SLC34A3: variants seen among roughly 807,000 people sequenced by gnomAD.
The protein encoded by SLC34A3 is solute carrier family 34 member 3, also known as sodium-dependent phosphate transport protein 2C.
SLC34A3 carries 60 observed loss-of-function variants against 43.9 expected under a neutral mutation model. The ratio of observed to expected loss-of-function variants is 1.37; its 90% CI spans 1.11 to 1.70. The LOEUF is 1.70. Among genes scored for constraint, SLC34A3 ranks in the 40% most tolerant of loss-of-function variants. The pLI, the probability that SLC34A3 is intolerant of heterozygous loss-of-function variation, is 0.00. For missense variants in SLC34A3, 969 were observed against 823.8 expected (o/e 1.18, Z -2.16); for synonymous variants, 451 against 386.2 (o/e 1.17, Z -1.97).
rs146757110 is a variant in SLC34A3, at chr9:137,236,226, G to A, written c.1610G>A (p.Arg537His). ...ATCCTGGTTACTGTCCTGCAGCGGC[G>A]CCGGCCGGCCTGGCTGCCTGTCCGC... ...LVILVTVLQR[R>H]RPAWLPVRLR... The change falls in exon 13 of 13, where the codon CGC (arginine) becomes CAC (histidine). Residue 537 changes from arginine to histidine, a missense_variant. Transcript: ENST00000673835. 630 of 1,562,982 alleles carry A rather than the reference G, an allele frequency of 4.0e-4. 2 individuals are homozygous for A. The African/African-American group carries it at 7.1e-3, about 18-fold the overall frequency.
chr9:137,231,268 C>T (rs1440854472), intron 1 of SLC34A3, among the ~76,000 whole-genome samples: 2 of 152,162 alleles, frequency 1.3e-5, no homozygotes, highest in African/African-American at 2.4e-5. Context: ...CAAGCCGAGA[C>T]GTCACTGTTT....
At chr9:137,232,501 G>A (rs756299624) in intron 3 of SLC34A3, 74 bp from the exon 4 acceptor site, 18 of 1,591,316 alleles carry the variant, frequency 1.1e-5, no homozygotes, top group Non-Finnish European at 1.4e-5. Context: ...AGAGGGGGCA[G>A]AGAATGAGGG....
chr9:137,233,618 C>T lies in SLC34A3; in HGVS notation c.757-15C>T, dbSNP rs769192619. On this transcript the variant is annotated splice_polypyrimidine_tract_variant and intron_variant, in intron 7 of 12. Transcript: ENST00000673835. The stretch of plus-strand genomic sequence containing the variant: ...AGAGGGTGCAGCACACCGTCACGAC[C>T]CCTCTGGCCCCCAGTTGGACTCCGA... 92 of 1,610,694 alleles carry T rather than the reference C, an allele frequency of 5.7e-5. No homozygotes were observed. Among genetic ancestry groups the T allele is most frequent in the East Asian group, 6.7e-5 (3 of 44,854 alleles).
chr9:137,233,290 C>A lies in SLC34A3; in HGVS notation c.642C>A (p.Ala214=). The change falls in exon 7 of 13, where the codon GCC becomes GCA. Residue 214 remains alanine, a synonymous_variant. Transcript: ENST00000673835. ...LVLLPLESAT[A]LLERLSELAL... is the part of the protein sequence containing the mutation. Reference sequence around the variant, plus strand: ...TGCTGCCACTGGAGAGCGCCACGGCCCTGCTGGAGAGGCTAAGTGAGCTAG... The same window carrying A: ...TGCTGCCACTGGAGAGCGCCACGGCACTGCTGGAGAGGCTAAGTGAGCTAG... 6.3e-7 allele frequency: 1 copy of A among 1,591,698 alleles called. No individual in the cohort carries two copies. Among genetic ancestry groups the A allele is most frequent in the Non-Finnish European group, 8.6e-7 (1 of 1,169,558 alleles).
rs1473689787 is a variant in SLC34A3, at chr9:137,234,124, CG to C, written c.944del (p.Gly315AlafsTer28). 2.0e-5 allele frequency: 32 copies of C among 1,561,324 alleles called. No individual in the cohort carries two copies. Among genetic ancestry groups the C allele is most frequent in the Non-Finnish European group, 2.8e-5 (32 of 1,158,518 alleles). ...CTGCCCCCAGGCCGCCACCTGTTTG[CG>C]GGCACGGAGCTCACGGACCTGGCCG... ...ADRLPCRHLF[A>X]GTELTDLAVG... is the part of the protein sequence containing the mutation. On this transcript the variant is annotated frameshift_variant, in exon 10 of 13. Coordinates refer to ENST00000673835, the MANE Select transcript of SLC34A3 (RefSeq NM_001177316.2). LOFTEE classifies it high-confidence loss of function. The surrounding 1 kb of genome is among the most constrained non-coding windows in gnomAD (Gnocchi z 6.9).
chr9:137,233,477 C>A lies in SLC34A3; in HGVS notation c.756+73C>A, dbSNP rs540813894. ...GGGAGGAGGGGAGGCCCGCCCTGCC[C>A]TGATGGAGGGTCAGCGGAGGGTCTG... On this transcript the variant is annotated intron_variant, in intron 7 of 12. Coordinates refer to ENST00000673835, the MANE Select transcript of SLC34A3 (RefSeq NM_001177316.2). The A allele has an allele frequency of 1.8e-4, 280 of 1,587,400 alleles. 1 individual carries two copies. The highest frequency in any genetic ancestry group is 8.2e-4 in the African/African-American group (61 of 74,246).
rs1398513241 is a variant in SLC34A3 at position 137,234,621 on chromosome 9, A to C, written c.1225A>C (p.Ser409Arg). The C allele has an allele frequency of 6.2e-7, 1 of 1,612,328 alleles. No homozygotes were observed. The highest frequency in any genetic ancestry group is 8.5e-7 in the Non-Finnish European group (1 of 1,179,844). The change falls in exon 12 of 13, where the codon AGT (serine) becomes CGT (arginine). Residue 409 changes from serine to arginine, a missense_variant. Coordinates refer to ENST00000673835, the MANE Select transcript of SLC34A3 (RefSeq NM_001177316.2). This position sits in a 1 kb window ranked among gnomAD's most constrained non-coding sequence, Gnocchi z 6.9. ...AGTTCCCCCAGGGGTCGGGGTGATC[A>C]GTCTGGACCGGGCGTACCCCCTCTT... ...VVPLMGVGVI[S>R]LDRAYPLLLG... is the part of the protein sequence containing the mutation.
rs1161944832 is a variant in SLC34A3, at chr9:137,232,868, C to T, written c.389C>T (p.Ala130Val). The change falls in exon 5 of 13, where the codon GCC becomes GTC. Residue 130 changes from alanine (A) to valine (V), a missense_variant. Physicochemically the swap from Ala to Val is moderately conservative, Grantham distance 64. Coordinates refer to ENST00000673835, the MANE Select transcript of SLC34A3 (RefSeq NM_001177316.2). ...CTGGTCATTGGCGTGCTGGTCACAG[C>T]CCTGGTGCAGAGTTCCAGCACGTCC... ...AGLVIGVLVT[A>V]LVQSSSTSSS... 1.9e-6 allele frequency: 3 copies of T among 1,612,182 alleles called. No homozygotes were observed. Among genetic ancestry groups the T allele is most frequent in the Non-Finnish European group, 8.5e-7 (1 of 1,179,598 alleles).
intron 12 of SLC34A3, 44 bp from the exon 13 acceptor site, chr9:137,235,908 C>G: frequency 1.9e-6 from 3 of 1,594,164 alleles, no homozygotes; most frequent in Non-Finnish European, 2.6e-6. Flanking sequence ...CCTGGTGACC[C>G]CACCTCGTTG....
chr9:137,232,565 G>C lies in SLC34A3; in HGVS notation c.176-10G>C. 4 of 1,611,696 alleles carry C rather than the reference G, an allele frequency of 2.5e-6. No individual in the cohort carries two copies. The highest frequency in any genetic ancestry group is 1.3e-5 in the African/African-American group (1 of 75,054). ...GGGCCAGCCAGGGACAGCCTGCCCT[G>C]TGTCCTCAGAGCTCCGCGTGGCCGG... On this transcript the variant is annotated splice_polypyrimidine_tract_variant and intron_variant, in intron 3 of 12. Transcript: ENST00000673835.
At chr9:137,233,779 T>TTGGGGCGCC in intron 8 of SLC34A3, 57 bp downstream of exon 8, 2 of 1,445,802 alleles carry the variant, frequency 1.4e-6, no homozygotes, top group Non-Finnish European at 1.9e-6. Flanking sequence ...TGCTGAGTCA[T>TTGGGGCGCC]CCCGCCCCAC....
rs991171092 is a variant in SLC34A3, at chr9:137,234,860, G to A, written c.1335+129G>A. 3.2e-5 allele frequency: 44 copies of A among 1,370,900 alleles called. No homozygotes were observed. Among genetic ancestry groups the A allele is most frequent in the African/African-American group, 3.1e-4 (22 of 70,066 alleles). The allele number at this position is 1,370,900 out of a possible 1,614,324, so 84.9% of individuals were successfully genotyped here. ...GCCTTCCTGGACCCCTTCCCTGGCC[G>A]CCAGCCTCAGCCCTGCTGCTCTGCC... On this transcript the variant is annotated intron_variant, in intron 12 of 12. Transcript: ENST00000673835. The surrounding 1 kb of genome is among the most constrained non-coding windows in gnomAD (Gnocchi z 6.9).
At position 137,236,106 on chromosome 9, in the gene SLC34A3, T is replaced by C; in HGVS notation, c.1490T>C (p.Leu497Pro). The C allele has an allele frequency of 6.2e-7, 1 of 1,612,022 alleles. No homozygotes were observed. Among genetic ancestry groups the C allele is most frequent in the Non-Finnish European group, 8.5e-7 (1 of 1,179,768 alleles). The change falls in exon 13 of 13, where the codon CTG (leucine) becomes CCG (proline). Residue 497 changes from leucine (L) to proline (P), a missense_variant. By Grantham distance (98) the Leu-to-Pro change is moderately conservative (BLOSUM62 -3). Coordinates refer to ENST00000673835, the MANE Select transcript of SLC34A3 (RefSeq NM_001177316.2). ...GGGGTCTACCTGCTGCTCGGATTCC[T>C]GCTGCTGCCCCTGGCGGCCTTCGGG... ...VAGVYLLLGF[L>P]LLPLAAFGLS... is the part of the protein sequence containing the mutation.
In SLC34A3 at chr9:137,234,704, C is replaced by T. The variant is rs1208270085; in HGVS notation, c.1308C>T (p.Pro436=). The T allele has an allele frequency of 5.6e-6, 9 of 1,611,446 alleles. No individual in the cohort carries two copies. Among genetic ancestry groups the T allele is most frequent in the South Asian group, 2.2e-5 (2 of 91,080 alleles). The change falls in exon 12 of 13, where the codon CCC becomes CCT. Residue 436 remains proline, a synonymous_variant. Coordinates refer to ENST00000673835, the MANE Select transcript of SLC34A3 (RefSeq NM_001177316.2). The surrounding 1 kb of genome is among the most constrained non-coding windows in gnomAD (Gnocchi z 6.9). The part of the protein sequence containing the change: ...TTALLAALAS[P]ADRMLSALQV... ...CCCTGCTGGCTGCCCTGGCCAGCCC[C>T]GCAGACAGGATGCTCAGCGCCCTGC...
At chr9:137,230,026 C>T (rs192886067), upstream of SLC34A3, among the ~76,000 whole-genome samples, 1 of 152,320 alleles carries the variant, frequency 6.6e-6, no homozygotes, top group East Asian at 1.9e-4. Context: ...TCAGAAGCTT[C>T]TACCTTCTCC....
intron 12 of SLC34A3, among the ~76,000 whole-genome samples, chr9:137,235,024 C>G (rs1836503586): frequency 6.6e-6 from 1 of 152,180 alleles, no homozygotes; most frequent in African/African-American, 2.4e-5. Flanking sequence ...GGGCTCTAAG[C>G]CCCTCTATTC....
chr9:137,235,854 T>G (rs1836563075), intron 12 of SLC34A3, 98 bp from the exon 13 acceptor site: 1 of 1,093,966 alleles, frequency 9.1e-7, no homozygotes, highest in Middle Eastern at 3.0e-4. Context: ...ACTTCAGACT[T>G]GGCGCTCCTT....
chr9:137,232,584 T>C lies in SLC34A3; in HGVS notation c.185T>C (p.Val62Ala). ...DTSQPWKELR[V>A]AGRLRRVAGS... ...TGCCCTGTGTCCTCAGAGCTCCGCGTGGCCGGCAGGCTGCGCCGCGTGGCC... is the reference window on the plus strand; with the variant it reads ...TGCCCTGTGTCCTCAGAGCTCCGCGCGGCCGGCAGGCTGCGCCGCGTGGCC... Residue 62 changes from valine (V) to alanine (A), a missense_variant, in exon 4 of 13, where the codon GTG becomes GCG. By Grantham distance (64) the Val-to-Ala change is moderately conservative. Coordinates refer to ENST00000673835, the MANE Select transcript of SLC34A3 (RefSeq NM_001177316.2). 1 of 1,609,054 alleles carries C rather than the reference T, an allele frequency of 6.2e-7. No homozygotes were observed.
At chr9:137,232,305 C>T (rs553784038) in intron 3 of SLC34A3, 144 bp downstream of exon 3, 15 of 865,418 alleles carry the variant, frequency 1.7e-5, no homozygotes, top group Admixed American at 1.3e-4. Flanking sequence ...AGACACGTGT[C>T]CCTCAACCGG....
Sources: gnomAD v4.1 joint callset for allele counts (sites outside exome capture counted in the v4.1 genomes callset) on GRCh38, gnomAD v4.1.1 for gene constraint, Gnocchi (gnomAD v3.1) non-coding constraint, MANE v1.5 for transcripts, NCBI Gene and HGNC (gene_info 2026-07-23, HGNC 2026-07-21) for gene names.